ELAVL4: variants seen among roughly 807,000 people sequenced by gnomAD.
The protein encoded by ELAVL4 is ELAV like RNA binding protein 4, also known as ELAV-like protein 4.
ELAVL4 carries 1 observed loss-of-function variant against 35.6 expected under a neutral mutation model. That is an observed-to-expected ratio of 0.03 (90% confidence interval 0.01 to 0.13). The LOEUF (loss-of-function observed/expected upper bound fraction) is 0.13, where lower values mean the gene tolerates loss of function less well. ELAVL4 is among the 10% of genes least tolerant of loss of function. The probability of loss-of-function intolerance (pLI) is 1.00; values close to 1 mark genes in which losing one functional copy is unlikely to be tolerated. For missense variants in ELAVL4, 267 were observed against 464.9 expected (o/e 0.57, Z 3.91); for synonymous variants, 156 against 171.0 (o/e 0.91, Z 0.69).
At chr1:50,164,801 G>A (rs1677450862) in intron 2 of ELAVL4, among the ~76,000 whole-genome samples, 1 of 152,132 alleles carries the variant, frequency 6.6e-6, no homozygotes, top group Admixed American at 6.5e-5. Context: ...GTCCTTTTAT[G>A]TTTGGTATTT....
rs1220729294 is a variant in ELAVL4 at position 50,177,146 on chromosome 1, C to G, written c.308C>G (p.Ala103Gly). 2 of 1,613,980 alleles carry G rather than the reference C, an allele frequency of 1.2e-6. No individual in the cohort carries two copies. The highest frequency in any genetic ancestry group is 1.1e-5 in the South Asian group (1 of 91,056). Residue 103 changes from alanine (A) to glycine (G), a missense_variant, in exon 3 of 7, where the codon GCC becomes GGC. This residue lies in a region of ELAVL4 where 216 missense variants were observed against 409.5 expected (regional missense o/e 0.53). Transcript: ENST00000371824. ...NYIDPKDAEK[A>G]INTLNGLRLQ... ...ATTGATCCAAAGGATGCAGAGAAAG[C>G]CATCAACACTTTAAATGGACTCAGA...
At chr1:50,050,664 C>G (rs1336212777) in intron 1 of ELAVL4, among the ~76,000 whole-genome samples, 1 of 152,052 alleles carries the variant, frequency 6.6e-6, no homozygotes, top group South Asian at 2.1e-4. Flanking sequence ...AAGTGATTGT[C>G]TTGTGCCAAG....
At position 50,203,716 on chromosome 1, in the gene ELAVL4, G is replaced by T. The variant is rs1305928470; in HGVS notation, c.*2538G>T. On this transcript the variant is annotated 3_prime_UTR_variant, in exon 7 of 7. Coordinates refer to ENST00000371824, the MANE Select transcript of ELAVL4 (RefSeq NM_001144774.3). ...TGTTTTTTTTTCATAATCTTGTTGTGTTTGAATTATTTGTACTTTATCTGT... is the reference window on the plus strand; with the variant it reads ...TGTTTTTTTTTCATAATCTTGTTGTTTTTGAATTATTTGTACTTTATCTGT... 1 of 151,988 alleles carries T rather than the reference G, an allele frequency of 6.6e-6. No individual in the cohort carries two copies. The highest frequency in any genetic ancestry group is 1.9e-4 in the East Asian group (1 of 5,198). The allele number at this position is 151,988 out of a possible 1,614,324, so 9.4% of individuals were successfully genotyped here.
chr1:50,107,340 C>A (rs562826031), upstream of ELAVL4, among the ~76,000 whole-genome samples: 1 of 152,266 alleles, frequency 6.6e-6, no homozygotes, highest in East Asian at 1.9e-4. Context: ...CATGTATTTT[C>A]ATTTCTAATA....
At chr1:50,120,702 A>T (rs943685648) in intron 1 of ELAVL4, among the ~76,000 whole-genome samples, 3 of 152,056 alleles carry the variant, frequency 2.0e-5, no homozygotes. Flanking sequence ...TGTTATGATG[A>T]TGATGCTCAT....
chr1:50,097,313 A>G (rs933245431), intron 1 of ELAVL4, among the ~76,000 whole-genome samples: 1 of 152,208 alleles, frequency 6.6e-6, no homozygotes, highest in Non-Finnish European at 1.5e-5. Context: ...AGATTTAAAA[A>G]TCTTCTTCAA....
intron 6 of ELAVL4, 37 bp downstream of exon 6, chr1:50,197,504 T>C (rs1644128977): frequency 6.6e-7 from 1 of 1,522,984 alleles, no homozygotes; most frequent in Non-Finnish European, 8.8e-7. Context: ...ATGTCCATGT[T>C]GGCACAGACT....
chr1:50,183,334 AAG>A (rs1318972261), intron 3 of ELAVL4, among the ~76,000 whole-genome samples: 6 of 152,132 alleles, frequency 3.9e-5, no homozygotes, highest in Non-Finnish European at 8.8e-5. Context: ...GAAGGGGTAA[AAG>A]AGCTGCTCCT....
chr1:50,088,177 T>G (rs1205222873), intron 1 of ELAVL4, among the ~76,000 whole-genome samples: 2 of 152,206 alleles, frequency 1.3e-5, no homozygotes, highest in Admixed American at 6.5e-5. Flanking sequence ...ATGAAATTGA[T>G]GAAAGCTGGC....
chr1:50,195,187 G>A (rs949749390), intron 4 of ELAVL4, among the ~76,000 whole-genome samples: 2 of 152,234 alleles, frequency 1.3e-5, no homozygotes, highest in African/African-American at 4.8e-5. Flanking sequence ...TGTGGTCAGA[G>A]TTCACTTTTC....
intron 3 of ELAVL4, among the ~76,000 whole-genome samples, chr1:50,183,684 G>A (rs1465529200): frequency 6.6e-6 from 1 of 152,100 alleles, no homozygotes; most frequent in Admixed American, 6.5e-5. Flanking sequence ...TCTCTTGCCA[G>A]GGGTCGTCAG....
At chr1:50,165,967 C>T (rs2148784013) in intron 2 of ELAVL4, among the ~76,000 whole-genome samples, 2 of 152,098 alleles carry the variant, frequency 1.3e-5, no homozygotes, top group Admixed American at 1.3e-4. Context: ...GTCCGATGTT[C>T]AAGGGCAGGA....
intron 1 of ELAVL4, among the ~76,000 whole-genome samples, chr1:50,079,165 G>T (rs1572140764): frequency 6.6e-6 from 1 of 152,122 alleles, no homozygotes; most frequent in Non-Finnish European, 1.5e-5. Context: ...GGGCCCAAGA[G>T]ATCCTCCTGC....
At chr1:50,187,396 T>C (rs929921503) in intron 3 of ELAVL4, among the ~76,000 whole-genome samples, 9 of 152,208 alleles carry the variant, frequency 5.9e-5, no homozygotes, top group African/African-American at 2.2e-4. Flanking sequence ...CATTTTCTTG[T>C]TTAACCCTCA....
intron 1 of ELAVL4, 94 bp downstream of exon 1, chr1:50,109,292 T>C: frequency 1.5e-6 from 2 of 1,340,046 alleles, no homozygotes; most frequent in South Asian, 2.5e-5. Context: ...CACAAGAGTT[T>C]AGTTCTGTGC....
chr1:50,118,081 A>G (rs1457935632), intron 1 of ELAVL4, among the ~76,000 whole-genome samples: 1 of 152,146 alleles, frequency 6.6e-6, no homozygotes, highest in African/African-American at 2.4e-5. Flanking sequence ...TAGGAAAGTT[A>G]AAAGTCAGCC....
At chr1:50,111,288 C>T (rs1383132721) in intron 1 of ELAVL4, among the ~76,000 whole-genome samples, 9 of 148,982 alleles carry the variant, frequency 6.0e-5, no homozygotes, top group East Asian at 2.0e-4. Context: ...ATTGTACATG[C>T]GAAAAATCGC....
intron 1 of ELAVL4, among the ~76,000 whole-genome samples, chr1:50,126,761 T>A (rs1047748332): frequency 6.6e-6 from 1 of 152,148 alleles, no homozygotes; most frequent in Non-Finnish European, 1.5e-5. Context: ...TTGTTTTCAT[T>A]AGCAATGTGT....
intron 1 of ELAVL4, among the ~76,000 whole-genome samples, chr1:50,126,737 A>G (rs907289081): frequency 3.3e-5 from 5 of 152,156 alleles, no homozygotes; most frequent in Non-Finnish European, 7.4e-5. Context: ...GTTTATTCTC[A>G]TCCCAAACCT....
Sources: allele counts gnomAD v4.1 joint callset (sites outside exome capture counted in the v4.1 genomes callset), GRCh38; gene constraint gnomAD v4.1.1; regional missense constraint gnomAD v4.1.1; transcripts MANE v1.5; gene names NCBI Gene and HGNC (gene_info 2026-07-23, HGNC 2026-07-21).